The following ASXL2 variants were observed in gnomAD, a reference collection of about 807,000 sequenced individuals.
The protein encoded by ASXL2 is putative Polycomb group protein ASXL2.
ASXL2 carries 23 observed loss-of-function variants against 122.0 expected under a neutral mutation model. The ratio of observed to expected loss-of-function variants is 0.19; its 90% CI spans 0.14 to 0.27. The LOEUF (loss-of-function observed/expected upper bound fraction) is 0.27. Ranked by LOEUF, ASXL2 falls within the 10% of genes least tolerant of loss-of-function variation. ASXL2 has a pLI of 1.00. For missense variants in ASXL2, 1,518 were observed against 1,713.8 expected (o/e 0.89, Z 2.02); for synonymous variants, 650 against 637.0 (o/e 1.02, Z -0.31).
chr2:25,859,036 A>G (rs2089816057), intron 1 of ASXL2, among the ~76,000 whole-genome samples: 2 of 151,304 alleles, frequency 1.3e-5, no homozygotes, highest in Admixed American at 6.6e-5. Flanking sequence ...CTGGTCTCAA[A>G]ACTCCTTACC....
intron 6 of ASXL2, among the ~76,000 whole-genome samples, chr2:25,769,977 A>G (rs1010682627): frequency 1.3e-5 from 2 of 152,268 alleles, no homozygotes; most frequent in Non-Finnish European, 2.9e-5. Flanking sequence ...TAGGTGAGGC[A>G]GAAGCACAAA....
intron 4 of ASXL2, among the ~76,000 whole-genome samples, chr2:25,800,426 C>T (rs1373535428): frequency 2.6e-5 from 4 of 151,904 alleles, no homozygotes; most frequent in Non-Finnish European, 5.9e-5. Flanking sequence ...TTATTTGAAT[C>T]TAATTGGTTC....
chr2:25,746,694 A>T (rs7609372), intron 12 of ASXL2, among the ~76,000 whole-genome samples: 41,633 of 152,066 alleles, frequency 0.27, 6,027 homozygotes, highest in African/African-American at 0.31. Flanking sequence ...AACAACCATT[A>T]TAAGTGGTTA....
In ASXL2 at chr2:25,749,893, G is replaced by A. The variant is rs199895685; in HGVS notation, c.1663C>T (p.Leu555=). The change falls in exon 12 of 13, where the codon CTA becomes TTA. Residue 555 remains leucine, a synonymous_variant. Coordinates refer to ENST00000435504, the MANE Select transcript of ASXL2 (RefSeq NM_018263.6). The stretch of plus-strand genomic sequence containing the variant: ...GGGCTCTGATCAACAAGAGTTGCTA[G>A]AGGTTCTTTCATATTAGTCTCCTGT... ...GPQETNMKEP[L]ATLVDQSPES... 3.7e-6 allele frequency: 6 copies of A among 1,611,946 alleles called. No homozygotes were observed. Among genetic ancestry groups the A allele is most frequent in the South Asian group, 1.1e-5 (1 of 90,728 alleles).
chr2:25,843,116 C>A (rs866973577), intron 2 of ASXL2, among the ~76,000 whole-genome samples: 1 of 151,520 alleles, frequency 6.6e-6, no homozygotes, highest in Admixed American at 6.6e-5. Context: ...TTGGCTAACA[C>A]GGTGAAACCA....
intron 1 of ASXL2, among the ~76,000 whole-genome samples, chr2:25,875,782 T>A (rs1312531702): frequency 2.0e-5 from 3 of 152,178 alleles, no homozygotes; most frequent in African/African-American, 7.2e-5. Context: ...ACACTTGACA[T>A]CCTAATGCCT....
At chr2:25,811,938 T>C (rs1490909561) in intron 3 of ASXL2, among the ~76,000 whole-genome samples, 2 of 151,944 alleles carry the variant, frequency 1.3e-5, no homozygotes, top group East Asian at 3.9e-4. Flanking sequence ...TTTTAGTAGA[T>C]GGGGTTTCAC....
chr2:25,825,018 C>CT (rs1453678407), intron 3 of ASXL2, among the ~76,000 whole-genome samples: 18 of 152,336 alleles, frequency 1.2e-4, no homozygotes, highest in African/African-American at 4.3e-4. Context: ...TGCCAAAACT[C>CT]TAAAACTTAC....
chr2:25,767,726 G>T lies in ASXL2; in HGVS notation c.632C>A (p.Ala211Glu), dbSNP rs1391506667. 2 of 1,613,496 alleles carry T rather than the reference G, an allele frequency of 1.2e-6. No homozygotes were observed. Among genetic ancestry groups the T allele is most frequent in the African/African-American group, 1.3e-5 (1 of 74,864 alleles). ...ATCAGATTGCTTTCCTTCCCATGTT[G>T]CTAGGAGAAAAAAATACGTATAAAG... ...AASDSVPAKP[A>E]TWEGKQSDGQ... The change falls in exon 8 of 13, where the codon GCA becomes GAA. Residue 211 changes from alanine (A) to glutamate (E), a missense_variant and splice_region_variant. Physicochemically the swap from Ala to Glu is moderately radical, Grantham distance 107 (BLOSUM62 -1). Transcript: ENST00000435504.
In ASXL2 at chr2:25,806,289, G is replaced by A. The variant is rs965472935; in HGVS notation, c.192C>T (p.Ser64=). The part of the protein sequence containing the change: ...ACLNAMLHTN[S]RGEEGIFYKV... ...TATAGAAGATGCCCTCTTCACCTCT[G>A]GAGTTTGTGTGAAGCATTGCATTCA... Residue 64 remains serine, a synonymous_variant, in exon 4 of 13, where the codon TCC becomes TCT. Coordinates refer to ENST00000435504, the MANE Select transcript of ASXL2 (RefSeq NM_018263.6). The A allele has an allele frequency of 1.2e-6, 2 of 1,613,350 alleles. No homozygotes were observed. The highest frequency in any genetic ancestry group is 1.7e-6 in the Non-Finnish European group (2 of 1,179,690).
chr2:25,849,436 G>C (rs1343334032), intron 1 of ASXL2, among the ~76,000 whole-genome samples: 1 of 134,718 alleles, frequency 7.4e-6, no homozygotes, highest in African/African-American at 2.7e-5. Flanking sequence ...CTGGATGAAA[G>C]AGTGAGACTC....
At chr2:25,810,141 T>C in intron 3 of ASXL2, 7 of 560,424 alleles carry the variant, frequency 1.2e-5, no homozygotes, top group South Asian at 9.7e-5. Context: ...AGAGTACTTT[T>C]CTTCAGCATC....
intron 1 of ASXL2, among the ~76,000 whole-genome samples, chr2:25,859,019 G>C (rs2089815594): frequency 6.6e-6 from 1 of 151,178 alleles, no homozygotes; most frequent in Non-Finnish European, 1.5e-5. Context: ...TCACCATGTT[G>C]GCCAGGCTGG....
chr2:25,878,024 C>G (rs1006917090), intron 1 of ASXL2, 142 bp downstream of exon 1: 12 of 1,044,408 alleles, frequency 1.1e-5, no homozygotes, highest in Admixed American at 3.6e-5. Flanking sequence ...ATCGCAACCC[C>G]GACACTAACC....
chr2:25,810,592 TCTGCCTGCTG>T lies in ASXL2; in HGVS notation c.144-4265_144-4256del, dbSNP rs567752248. The T allele has an allele frequency of 4.0e-4, 300 of 744,150 alleles. No individual in the cohort carries two copies. The African/African-American group carries it at 4.5e-3, about 11-fold the overall frequency. 46.1% of individuals were successfully genotyped at this position (744,150 alleles called of 1,614,324 possible). A position where few individuals can be genotyped will look rare whatever the true frequency, so the allele number is the denominator to read the frequency against. On this transcript the variant is annotated intron_variant, in intron 3 of 12. Coordinates refer to ENST00000435504, the MANE Select transcript of ASXL2 (RefSeq NM_018263.6). Reference sequence around the variant, plus strand: ...GTGCTCAGCTCTCTCCTCTGCATCATCTGCCTGCTGCTGCAGAACCTGGATATTGTGCTTC... The same window carrying T: ...GTGCTCAGCTCTCTCCTCTGCATCATCTGCAGAACCTGGATATTGTGCTTC...
At chr2:25,782,928 G>C (rs2088669198) in intron 5 of ASXL2, among the ~76,000 whole-genome samples, 1 of 152,144 alleles carries the variant, frequency 6.6e-6, no homozygotes, top group Admixed American at 6.5e-5. Flanking sequence ...AGGAGCTTGA[G>C]ACCAACCTGG....
rs2087908331 is a variant in ASXL2 at position 25,744,575 on chromosome 2, C to T, written c.1861-99G>A. 3.8e-6 allele frequency: 5 copies of T among 1,304,938 alleles called. No homozygotes were observed. The East Asian group carries it at 1.2e-4, about 31-fold the overall frequency. 80.8% of individuals were successfully genotyped at this position (1,304,938 alleles called of 1,614,324 possible). A position where few individuals can be genotyped will look rare whatever the true frequency, so the allele number is the denominator to read the frequency against. ...CTCACATTTTAAAAACAGATGAACA[C>T]TACAGTACCTGTGACAAACATGGGT... On this transcript the variant is annotated intron_variant, in intron 12 of 12. Coordinates refer to ENST00000435504, the MANE Select transcript of ASXL2 (RefSeq NM_018263.6). The surrounding 1 kb of genome is among the most constrained non-coding windows in gnomAD (Gnocchi z 4.7).
chr2:25,770,717 T>G (rs1039779953), intron 6 of ASXL2, among the ~76,000 whole-genome samples: 7 of 151,792 alleles, frequency 4.6e-5, no homozygotes, highest in African/African-American at 1.7e-4. Context: ...AGAGCGAAAC[T>G]CCGTCTCAAA....
intron 4 of ASXL2, among the ~76,000 whole-genome samples, chr2:25,803,332 A>G (rs1421458433): frequency 6.6e-6 from 1 of 152,196 alleles, no homozygotes; most frequent in Admixed American, 6.5e-5. Context: ...AATGTAAGTA[A>G]AGCATTTTCC....
Sources: allele counts gnomAD v4.1 joint callset (sites outside exome capture counted in the v4.1 genomes callset), GRCh38; gene constraint gnomAD v4.1.1; non-coding constraint Gnocchi (gnomAD v3.1); transcripts MANE v1.5; gene names NCBI Gene and HGNC (gene_info 2026-07-23, HGNC 2026-07-21).